Variants in DLG2 observed in about 807,000 individuals in gnomAD.
The protein encoded by DLG2 is disks large homolog 2.
DLG2 carries 45 observed loss-of-function variants against 132.5 expected under a neutral mutation model. That is an observed-to-expected ratio of 0.34 (90% CI 0.27 to 0.44). The LOEUF is 0.44. DLG2 is among the 20% of genes least tolerant of loss of function. The probability of loss-of-function intolerance (pLI) is 1.00; values close to 1 mark genes in which losing one functional copy is unlikely to be tolerated. For missense variants in DLG2, 1,045 were observed against 1,196.9 expected, an observed-to-expected ratio of 0.87 and a Z score of 1.87; for synonymous variants, 424 against 419.6, an observed-to-expected ratio of 1.01 and a Z score of -0.13.
At chr11:84,030,999 A>C (rs2154090977) in intron 11 of DLG2, among the ~76,000 whole-genome samples, 1 of 152,146 alleles carries the variant, frequency 6.6e-6, no homozygotes, top group Admixed American at 6.5e-5. Flanking sequence ...CATCCAGAAA[A>C]CCATAGTTTT....
chr11:84,239,907 T>C (rs1362975937), intron 8 of DLG2, among the ~76,000 whole-genome samples: 1 of 152,218 alleles, frequency 6.6e-6, no homozygotes, highest in African/African-American at 2.4e-5. Flanking sequence ...TAACATGTTG[T>C]GTGGTAGAAA....
rs151168080 is a variant in DLG2, at chr11:83,574,039, G to A, written c.1941-32181C>T. ...TGATTAAATGGGGTAATATATAAAA[G>A]CATTTTTCAGAGCCTGGCACATAAT... On this transcript the variant is annotated intron_variant, in intron 19 of 27. Transcript: ENST00000376104. 9.1e-4 allele frequency among the ~76,000 whole-genome samples: 138 copies of A among 152,174 alleles called. 1 individual carries two copies. The South Asian group carries it at 9.1e-3, about 10-fold the overall frequency.
intron 14 of DLG2, among the ~76,000 whole-genome samples, chr11:83,956,498 G>A (rs1358618443): frequency 6.6e-6 from 1 of 152,202 alleles, no homozygotes; most frequent in Non-Finnish European, 1.5e-5. Flanking sequence ...CCCACACGGA[G>A]CTTGCTCCTG....
At chr11:84,297,855 T>G (rs997620264) in intron 7 of DLG2, among the ~76,000 whole-genome samples, 11 of 152,086 alleles carry the variant, frequency 7.2e-5, no homozygotes, top group Admixed American at 1.3e-4. Flanking sequence ...GTCAAACTTT[T>G]TCCAACCCTG....
At chr11:85,294,040 A>G (rs1330634981) in intron 3 of DLG2, among the ~76,000 whole-genome samples, 1 of 152,052 alleles carries the variant, frequency 6.6e-6, no homozygotes. Context: ...CCAGGAGTTT[A>G]AGACCAGCCT....
intron 11 of DLG2, among the ~76,000 whole-genome samples, chr11:84,056,646 G>A (rs1171552626): frequency 1.3e-5 from 2 of 152,114 alleles, no homozygotes; most frequent in African/African-American, 4.8e-5. Flanking sequence ...ATTATAAGGT[G>A]CCAAGTGAAG....
intron 19 of DLG2, among the ~76,000 whole-genome samples, chr11:83,595,498 A>G (rs963017068): frequency 6.6e-6 from 1 of 152,224 alleles, no homozygotes; most frequent in Non-Finnish European, 1.5e-5. Flanking sequence ...TGGCTAAAAC[A>G]TTCATTGTAA....
At chr11:85,581,227 C>T (rs185127314) in intron 3 of DLG2, among the ~76,000 whole-genome samples, 5 of 152,270 alleles carry the variant, frequency 3.3e-5, no homozygotes, top group East Asian at 1.9e-4. Flanking sequence ...GCAGTCTCAC[C>T]GTTCCTAGCC....
intron 6 of DLG2, among the ~76,000 whole-genome samples, chr11:84,928,167 C>T (rs1230926876): frequency 6.6e-6 from 1 of 151,882 alleles, no homozygotes; most frequent in African/African-American, 2.4e-5. Flanking sequence ...GCTAAAGATT[C>T]TGAGATGGAT....
chr11:84,585,767 C>G (rs1049245045), intron 6 of DLG2, among the ~76,000 whole-genome samples: 1 of 152,166 alleles, frequency 6.6e-6, no homozygotes, highest in African/African-American at 2.4e-5. Flanking sequence ...TTGTATTTTA[C>G]ATGGAGATGG....
chr11:84,104,107 C>T (rs1338578938), intron 9 of DLG2, among the ~76,000 whole-genome samples: 1 of 151,990 alleles, frequency 6.6e-6, no homozygotes, highest in East Asian at 1.9e-4. Context: ...GTACATTTAT[C>T]TGAATGTGGG....
At chr11:84,815,471 C>T (rs1475032218) in intron 6 of DLG2, among the ~76,000 whole-genome samples, 7 of 151,942 alleles carry the variant, frequency 4.6e-5, no homozygotes, top group South Asian at 2.1e-4. Context: ...GCTGCATCAC[C>T]GAAGCTATCC....
At chr11:84,420,645 GTTTTCTTTTTTTTTTTTTT>G (rs2098946021) in intron 7 of DLG2, among the ~76,000 whole-genome samples, 1 of 48,916 alleles carries the variant, frequency 2.0e-5, no homozygotes, top group Non-Finnish European at 4.9e-5. Flanking sequence ...ACCAATGCTT[GTTTTCTTTTTTTTTTTTTT>G]TTTTTTTTTT....
chr11:84,539,994 A>C (rs534302783), intron 6 of DLG2, among the ~76,000 whole-genome samples: 7 of 152,330 alleles, frequency 4.6e-5, no homozygotes, highest in African/African-American at 1.7e-4. Context: ...CCATATATAG[A>C]AAGCTGAAAC....
intron 6 of DLG2, among the ~76,000 whole-genome samples, chr11:84,690,939 T>C (rs1368963571): frequency 6.6e-6 from 1 of 151,914 alleles, no homozygotes; most frequent in African/African-American, 2.4e-5. Flanking sequence ...TTTGCCTCCA[T>C]ATAAGAATTC....
chr11:83,894,577 A>G (rs573525438), intron 15 of DLG2, among the ~76,000 whole-genome samples: 13 of 152,320 alleles, frequency 8.5e-5, no homozygotes, highest in African/African-American at 2.4e-4. Context: ...ACACCTATAT[A>G]CAATGTGCAA....
At chr11:84,147,122 G>A (rs1396077975) in intron 9 of DLG2, among the ~76,000 whole-genome samples, 2 of 152,124 alleles carry the variant, frequency 1.3e-5, no homozygotes, top group East Asian at 3.9e-4. Context: ...AACTGCACAT[G>A]TGACCACCAA....
At chr11:83,558,284 TTGTTTTGATAAAAC>T (rs1425764126) in intron 19 of DLG2, among the ~76,000 whole-genome samples, 1 of 152,234 alleles carries the variant, frequency 6.6e-6, no homozygotes, top group Non-Finnish European at 1.5e-5. Context: ...TTCCTTAGTG[TTGTTTTGATAAAAC>T]TGTCAGAAAT....
Position 84,013,885 on chromosome 11 carries a change from A to T in DLG2, c.920-33243T>A, listed in dbSNP as rs888269719. ...GCGTCTCAAAAAAAAAAAAAAAAAA[A>T]AAAAAGCTCCCCTACTTCAGTTAAA... On this transcript the variant is annotated intron_variant, in intron 11 of 27. Transcript: ENST00000376104. 5.9e-5 allele frequency among the ~76,000 whole-genome samples: 9 copies of T among 151,694 alleles called. No individual in the cohort carries two copies. The East Asian group carries it at 1.8e-3, about 30-fold the overall frequency.
Sources: allele counts gnomAD v4.1 joint callset (sites outside exome capture counted in the v4.1 genomes callset), GRCh38; gene constraint gnomAD v4.1.1; transcripts MANE v1.5; gene names NCBI Gene and HGNC (gene_info 2026-07-23, HGNC 2026-07-21).